The following PHF20 variants were observed in gnomAD, a reference collection of about 807,000 sequenced individuals.
PHF20 encodes PHD finger protein 20, also known as glioma-expressed antigen 2.
A neutral mutation model predicts 113.5 loss-of-function variants in PHF20; 23 were observed. That is an observed-to-expected ratio of 0.20 (90% CI 0.15 to 0.29). The LOEUF (loss-of-function observed/expected upper bound fraction) is 0.29. PHF20 is among the 10% of genes least tolerant of loss of function. PHF20 has a pLI of 1.00. For synonymous variants in PHF20, 434 were observed against 457.3 expected (o/e 0.95, Z 0.65); for missense variants, 943 against 1,219.6 (o/e 0.77, Z 3.38).
At position 35,824,320 on chromosome 20, in the gene PHF20, C is replaced by A. The variant is rs962563591; in HGVS notation, c.84-18253C>A. Among the ~76,000 whole-genome samples the A allele has an allele frequency of 2.6e-5, 4 of 151,870 alleles. No homozygotes were observed. The South Asian group carries it at 8.3e-4, about 32-fold the overall frequency. Reference sequence around the variant, plus strand: ...ATAGTTTACATGTTATAAAATTCATCCTTTTAGGCTGGGTGTGGTGGCTCA... The same window carrying A: ...ATAGTTTACATGTTATAAAATTCATACTTTTAGGCTGGGTGTGGTGGCTCA... On this transcript the variant is annotated intron_variant, in intron 2 of 17. Transcript: ENST00000374012.
intron 2 of PHF20, among the ~76,000 whole-genome samples, chr20:35,803,686 G>A (rs926960639): frequency 4.8e-5 from 7 of 144,480 alleles, no homozygotes; most frequent in Non-Finnish European, 9.0e-5. Flanking sequence ...ATATATATAT[G>A]TGTGTGTGTG....
chr20:35,835,595 G>A (rs1487471886), intron 2 of PHF20, among the ~76,000 whole-genome samples: 1 of 152,132 alleles, frequency 6.6e-6, no homozygotes, highest in East Asian at 1.9e-4. Context: ...GCAGAGTAAT[G>A]ATAACTTAAA....
At chr20:35,821,822 A>G (rs1182726940) in intron 2 of PHF20, among the ~76,000 whole-genome samples, 2 of 152,198 alleles carry the variant, frequency 1.3e-5, no homozygotes, top group Admixed American at 1.3e-4. Context: ...CAGCGTCTGT[A>G]TAATTTTTGA....
At chr20:35,945,751 G>T (rs1297965565) in intron 17 of PHF20, among the ~76,000 whole-genome samples, 1 of 152,112 alleles carries the variant, frequency 6.6e-6, no homozygotes, top group Non-Finnish European at 1.5e-5. Context: ...AGAGCTTTAG[G>T]GGGTAGCTTA....
At chr20:35,832,494 A>G (rs1236573109) in intron 2 of PHF20, among the ~76,000 whole-genome samples, 1 of 152,192 alleles carries the variant, frequency 6.6e-6, no homozygotes, top group Non-Finnish European at 1.5e-5. Flanking sequence ...ATTAGGGTAA[A>G]TGCTATGAAG....
intron 1 of PHF20, among the ~76,000 whole-genome samples, chr20:35,793,408 T>A (rs1264949741): frequency 6.6e-6 from 1 of 151,500 alleles, no homozygotes; most frequent in Non-Finnish European, 1.5e-5. Flanking sequence ...CAAGCAATTC[T>A]CCTGCCTCAG....
chr20:35,913,684 T>G (rs1430728385), intron 11 of PHF20, among the ~76,000 whole-genome samples: 1 of 152,236 alleles, frequency 6.6e-6, no homozygotes, highest in East Asian at 1.9e-4. Context: ...AAAACACATC[T>G]TTGAGCCCTC....
chr20:35,940,597 G>T (rs2055958750), intron 16 of PHF20, among the ~76,000 whole-genome samples: 1 of 152,176 alleles, frequency 6.6e-6, no homozygotes, highest in African/African-American at 2.4e-5. Context: ...AAGCCATTCT[G>T]TGAGGCTTAC....
At chr20:35,818,986 A>G (rs890362578) in intron 2 of PHF20, among the ~76,000 whole-genome samples, 1 of 151,370 alleles carries the variant, frequency 6.6e-6, no homozygotes, top group Non-Finnish European at 1.5e-5. Context: ...GCTGGAGAGC[A>G]GTGGCCCTAT....
intron 13 of PHF20, among the ~76,000 whole-genome samples, chr20:35,920,370 T>C (rs938503143): frequency 6.6e-6 from 1 of 152,200 alleles, no homozygotes; most frequent in Non-Finnish European, 1.5e-5. Context: ...TTTTTGTTAA[T>C]AGAACTAAAG....
At chr20:35,772,523 C>T (rs1361364832) in intron 1 of PHF20, among the ~76,000 whole-genome samples, 1 of 152,172 alleles carries the variant, frequency 6.6e-6, no homozygotes, top group Admixed American at 6.5e-5. Context: ...TTATCCTATT[C>T]TGGGGAGCAC....
intron 9 of PHF20, among the ~76,000 whole-genome samples, chr20:35,890,544 C>T (rs1235194180): frequency 6.6e-6 from 1 of 152,110 alleles, no homozygotes; most frequent in East Asian, 1.9e-4. Context: ...TCAGTGACAA[C>T]AATAATGACA....
chr20:35,828,031 A>ATTTC (rs2042294552), intron 2 of PHF20, among the ~76,000 whole-genome samples: 1 of 148,956 alleles, frequency 6.7e-6, no homozygotes, highest in South Asian at 2.1e-4. Context: ...TTATTTATTT[A>ATTTC]TTTATTTCTG....
At chr20:35,900,623 C>G (rs1471319164) in intron 10 of PHF20, among the ~76,000 whole-genome samples, 1 of 152,150 alleles carries the variant, frequency 6.6e-6, no homozygotes, top group African/African-American at 2.4e-5. Context: ...CACCTGAGGT[C>G]AGGAGTTCGA....
chr20:35,913,413 C>G (rs1004756542), intron 11 of PHF20, 66 bp downstream of exon 11: 7 of 1,081,552 alleles, frequency 6.5e-6, no homozygotes, highest in Non-Finnish European at 8.4e-6. Context: ...GTTGCTTTCT[C>G]CCATTATGGC....
chr20:35,838,148 T>C (rs548427627), intron 2 of PHF20, among the ~76,000 whole-genome samples: 1 of 152,346 alleles, frequency 6.6e-6, no homozygotes, highest in Admixed American at 6.5e-5. Context: ...CACTTGATTC[T>C]ATGAATCCTG....
In PHF20 at chr20:35,869,504, A is replaced by G. The variant is rs2146986306; in HGVS notation, c.875A>G (p.Lys292Arg). 3 of 1,611,786 alleles carry G rather than the reference A, an allele frequency of 1.9e-6. No individual in the cohort carries two copies. The highest frequency in any genetic ancestry group is 2.7e-5 in the African/African-American group (2 of 74,974). ...TLELRRRKIS[K>R]GCEVPLKRPR... is the part of the protein sequence containing the mutation. ...GAACTGAGAAGAAGGAAAATATCAA[A>G]AGGATGTGAAGTCCCATTAAAACGT... Residue 292 changes from lysine to arginine, a missense_variant, in exon 7 of 18, where the codon AAA becomes AGA. This residue lies in a region of PHF20 where 592 missense variants were observed against 787.2 expected (regional missense o/e 0.75). Transcript: ENST00000374012.
At chr20:35,914,285 G>T in intron 12 of PHF20, 88 bp downstream of exon 12, 2 of 1,302,256 alleles carry the variant, frequency 1.5e-6, no homozygotes, top group South Asian at 1.3e-5. Flanking sequence ...TTTGGTTCTA[G>T]GCCACTACAA....
intron 1 of PHF20, among the ~76,000 whole-genome samples, chr20:35,791,497 C>G (rs2041552543): frequency 1.9e-5 from 2 of 107,022 alleles, no homozygotes; most frequent in South Asian, 5.7e-4. Context: ...ATCTATCTAT[C>G]TATCTTAGAA....
Sources: gnomAD v4.1 joint callset for allele counts (sites outside exome capture counted in the v4.1 genomes callset) on GRCh38, gnomAD v4.1.1 for gene constraint, gnomAD v4.1.1 regional missense constraint, MANE v1.5 for transcripts, NCBI Gene and HGNC (gene_info 2026-07-23, HGNC 2026-07-21) for gene names.